The following MRPL1 variants were observed in gnomAD, a reference collection of about 807,000 sequenced individuals.
The protein encoded by MRPL1 is mitochondrial ribosomal protein L1, also known as large ribosomal subunit protein uL1m.
A neutral mutation model predicts 38.0 loss-of-function variants in MRPL1; 28 were observed. The ratio of observed to expected loss-of-function variants is 0.74; its 90% CI spans 0.55 to 1.01. The LOEUF (loss-of-function observed/expected upper bound fraction) is 1.01. Among genes scored for constraint, MRPL1 ranks in the 50% least tolerant of loss-of-function variants. The pLI is 0.00. For synonymous variants in MRPL1, 123 were observed against 126.7 expected (o/e 0.97, Z 0.20); for missense variants, 358 against 389.8 (o/e 0.92, Z 0.69).
chr4:77,907,105 G>T, intron 6 of MRPL1: 5 of 985,316 alleles, frequency 5.1e-6, no homozygotes, highest in Non-Finnish European at 6.0e-6. Flanking sequence ...TGGAAGACTT[G>T]CTTGAGCATG....
intron 1 of MRPL1, among the ~76,000 whole-genome samples, chr4:77,867,288 G>T (rs1263866087): frequency 6.6e-6 from 1 of 152,200 alleles, no homozygotes; most frequent in Non-Finnish European, 1.5e-5. Flanking sequence ...TTTGTTGAAT[G>T]AATGAATGAA....
At chr4:77,936,400 A>G (rs1736979496) in intron 7 of MRPL1, among the ~76,000 whole-genome samples, 1 of 152,148 alleles carries the variant, frequency 6.6e-6, no homozygotes. Flanking sequence ...GCTTTCTTTA[A>G]AAACAAAACA....
In MRPL1 at chr4:77,952,692, CTT is replaced by C. The variant is rs1560479086; in HGVS notation, c.*86_*87del. ...ACAGCATAATTTTTACATTTGATGT[CTT>C]GTTATTGATCATACTTGAAAGTGAA... is the stretch of plus-strand genomic sequence containing the variant. On this transcript the variant is annotated 3_prime_UTR_variant, in exon 9 of 9. Coordinates refer to ENST00000315567, the MANE Select transcript of MRPL1 (RefSeq NM_020236.4). 6 of 799,102 alleles carry C rather than the reference CTT, an allele frequency of 7.5e-6. No individual in the cohort carries two copies. The highest frequency in any genetic ancestry group is 1.8e-5 in the African/African-American group (1 of 57,062). The allele number at this position is 799,102 out of a possible 1,614,324, so 49.5% of individuals were successfully genotyped here.
chr4:77,916,311 A>G (rs935134005), intron 7 of MRPL1, among the ~76,000 whole-genome samples: 1 of 152,220 alleles, frequency 6.6e-6, no homozygotes, highest in Non-Finnish European at 1.5e-5. Context: ...AATTCAAATA[A>G]TTCACAAAAG....
rs1365217728 is a variant in MRPL1, at chr4:77,892,589, G to A, written c.559-1550G>A. 3.9e-5 allele frequency among the ~76,000 whole-genome samples: 6 copies of A among 152,006 alleles called. No homozygotes were observed. The South Asian group carries it at 1.2e-3, about 31-fold the overall frequency. On this transcript the variant is annotated intron_variant, in intron 5 of 8. Transcript: ENST00000315567. ...CATCCACAGTTTTTTATTATTCCAA[G>A]ATACAGTCCTACTTATAGCATAACT...
chr4:77,947,679 C>T (rs1162619087), intron 7 of MRPL1, among the ~76,000 whole-genome samples: 4 of 152,154 alleles, frequency 2.6e-5, no homozygotes, highest in Non-Finnish European at 5.9e-5. Context: ...AAATGAATTT[C>T]GTTTGCAAGT....
At chr4:77,941,291 T>C (rs1383264262) in intron 7 of MRPL1, among the ~76,000 whole-genome samples, 1 of 152,124 alleles carries the variant, frequency 6.6e-6, no homozygotes, top group Non-Finnish European at 1.5e-5. Context: ...AGAGGATTTT[T>C]GCATCTATAT....
intron 2 of MRPL1, among the ~76,000 whole-genome samples, chr4:77,882,665 C>A (rs1243663588): frequency 6.6e-6 from 1 of 152,144 alleles, no homozygotes; most frequent in Admixed American, 6.5e-5. Context: ...ATATTTCATT[C>A]TTTTATTAAT....
chr4:77,916,997 CA>C (rs1293089248), intron 7 of MRPL1, among the ~76,000 whole-genome samples: 1 of 152,154 alleles, frequency 6.6e-6, no homozygotes, highest in Non-Finnish European at 1.5e-5. Context: ...AACATTTTGT[CA>C]GTTTGAAAGT....
intron 4 of MRPL1, among the ~76,000 whole-genome samples, chr4:77,886,469 C>A (rs1296205772): frequency 6.6e-6 from 1 of 151,196 alleles, no homozygotes; most frequent in Non-Finnish European, 1.5e-5. Flanking sequence ...CGAGTAGCTG[C>A]GATTACAGGC....
chr4:77,917,148 T>C (rs1254643639), intron 7 of MRPL1, among the ~76,000 whole-genome samples: 1 of 152,158 alleles, frequency 6.6e-6, no homozygotes, highest in East Asian at 1.9e-4. Flanking sequence ...TGTCCACCAT[T>C]CTTATTTCCT....
At chr4:77,908,260 T>C in intron 6 of MRPL1, 1 of 160,812 alleles carries the variant, frequency 6.2e-6, no homozygotes, top group Non-Finnish European at 1.4e-5. Flanking sequence ...TTTTTGACAG[T>C]CTCACTCTGC....
chr4:77,905,496 CAAAAAAAAA>C (rs374398968), intron 6 of MRPL1, among the ~76,000 whole-genome samples: 9 of 63,394 alleles, frequency 1.4e-4, no homozygotes, highest in African/African-American at 1.9e-4. Context: ...GACTCCGTCT[CAAAAAAAAA>C]AAAAAAAAAA....
chr4:77,907,237 C>G, intron 6 of MRPL1: 1 of 909,418 alleles, frequency 1.1e-6, no homozygotes, highest in Non-Finnish European at 1.3e-6. Flanking sequence ...TGGAATATAC[C>G]ATATTTTTGT....
chr4:77,881,011 T>C (rs1735524916), intron 2 of MRPL1, among the ~76,000 whole-genome samples: 2 of 152,224 alleles, frequency 1.3e-5, no homozygotes, highest in African/African-American at 4.8e-5. Flanking sequence ...CCTAGGCATG[T>C]TCTTCTAATG....
intron 6 of MRPL1, among the ~76,000 whole-genome samples, chr4:77,907,979 T>A (rs1736198272): frequency 6.8e-6 from 1 of 147,594 alleles, no homozygotes; most frequent in Admixed American, 6.8e-5. Flanking sequence ...CTCACTACAA[T>A]CTCTGCCTCC....
intron 6 of MRPL1, among the ~76,000 whole-genome samples, chr4:77,908,646 A>G (rs183466181): frequency 6.6e-6 from 1 of 152,324 alleles, no homozygotes; most frequent in East Asian, 1.9e-4. Context: ...GTTATCCATA[A>G]TGGTGCAACA....
intron 5 of MRPL1, among the ~76,000 whole-genome samples, chr4:77,890,900 C>G (rs1383614347): frequency 6.6e-6 from 1 of 152,120 alleles, no homozygotes; most frequent in African/African-American, 2.4e-5. Flanking sequence ...TATCCTTTGT[C>G]CCATATTCAA....
At chr4:77,909,810 A>G (rs1401588672) in intron 7 of MRPL1, among the ~76,000 whole-genome samples, 1 of 152,138 alleles carries the variant, frequency 6.6e-6, no homozygotes, top group Non-Finnish European at 1.5e-5. Flanking sequence ...TTTCTCTGCT[A>G]GTGTTTTTAA....
Sources: allele counts gnomAD v4.1 joint callset (sites outside exome capture counted in the v4.1 genomes callset), GRCh38; gene constraint gnomAD v4.1.1; transcripts MANE v1.5; gene names NCBI Gene and HGNC (gene_info 2026-07-23, HGNC 2026-07-21).